The following CLBA1 variants were observed in gnomAD, a reference collection of about 807,000 sequenced individuals.
CLBA1 encodes clathrin binding box of aftiphilin containing 1.
Under a neutral mutation model 28.8 loss-of-function variants are expected in CLBA1, and 30 were observed. The ratio of observed to expected loss-of-function variants is 1.04; its 90% CI spans 0.78 to 1.41. The LOEUF is 1.41. Among genes scored for constraint, CLBA1 ranks in the 40% most tolerant of loss-of-function variants. CLBA1 has a pLI of 0.00. For synonymous variants in CLBA1, 160 were observed against 152.8 expected (o/e 1.05, Z -0.35); for missense variants, 451 against 412.3 (o/e 1.09, Z -0.81).
At chr14:104,997,611 A>G (rs1566934939), downstream of CLBA1, among the ~76,000 whole-genome samples, 1 of 152,218 alleles carries the variant, frequency 6.6e-6, no homozygotes, top group Non-Finnish European at 1.5e-5. Context: ...TAGAGAAGCA[A>G]CGATAGGAAC....
chr14:105,000,375 G>A (rs1900244266), downstream of CLBA1, among the ~76,000 whole-genome samples: 1 of 151,470 alleles, frequency 6.6e-6, no homozygotes, highest in Non-Finnish European at 1.5e-5. Flanking sequence ...GAGTACAAGT[G>A]ATTGTCCTGC....
chr14:105,000,628 C>T (rs754571597), intron 2 of CLBA1, among the ~76,000 whole-genome samples: 4 of 152,080 alleles, frequency 2.6e-5, no homozygotes, highest in Non-Finnish European at 5.9e-5. Flanking sequence ...TACACACACA[C>T]AAATGACCAA....
rs762895450 is a variant in CLBA1 at position 104,986,168 on chromosome 14, CTG to C, written c.-260_-259del. 1.9e-6 allele frequency: 1 copy of C among 539,824 alleles called. No homozygotes were observed. The highest frequency in any genetic ancestry group is 3.3e-6 in the Non-Finnish European group (1 of 298,736). 33.4% of individuals were successfully genotyped at this position (539,824 alleles called of 1,614,324 possible). ...CCTGCCGTGGGTCTGGTACGCGCCT[CTG>C]TGTCGGACTCCGCGCCCGCCTGCGT... On this transcript the variant is annotated 5_prime_UTR_variant, in exon 1 of 5. Coordinates refer to ENST00000547315, the MANE Select transcript of CLBA1 (RefSeq NM_174891.4).
At chr14:104,997,103 C>CT (rs1339831458), downstream of CLBA1, among the ~76,000 whole-genome samples, 1 of 152,168 alleles carries the variant, frequency 6.6e-6, no homozygotes, top group East Asian at 1.9e-4. Context: ...TGAAGGAACT[C>CT]TGGGGAGGTG....
At chr14:104,991,252 C>G (rs1900010514) in intron 2 of CLBA1, 6 of 363,694 alleles carry the variant, frequency 1.6e-5, no homozygotes, top group South Asian at 1.2e-4. Context: ...TCTTGAACTC[C>G]TGACCTCCTG....
chr14:104,986,770 T>C lies in CLBA1; in HGVS notation c.339T>C (p.Thr113=). The change falls in exon 1 of 5, where the codon ACT becomes ACC. Residue 113 remains threonine (T), a synonymous_variant. Coordinates refer to ENST00000547315, the MANE Select transcript of CLBA1 (RefSeq NM_174891.4). ...CAGAACCCCAGCCACCGAGAACCAC[T>C]TCTGCCCCAAAAGAGTGCAGTTCTC... ...GPTEPQPPRT[T]SAPKECSSHQ... 1 of 1,614,008 alleles carries C rather than the reference T, an allele frequency of 6.2e-7. No individual in the cohort carries two copies. Among genetic ancestry groups the C allele is most frequent in the Non-Finnish European group, 8.5e-7 (1 of 1,180,030 alleles).
rs1367775173 is a variant in CLBA1 at position 104,994,686 on chromosome 14, T to C, written c.905T>C (p.Ile302Thr). ...CCCTCATGCGGAGGTGGCCAGCACA[T>C]CACTATTCCAAGGAAAAGGATGTTC... ...KTPSCGGGQH[I>T]TIPRKRMFTP... The change falls in exon 5 of 5, where the codon ATC becomes ACC. Residue 302 changes from isoleucine (I) to threonine (T), a missense_variant. By Grantham distance (89) the Ile-to-Thr change is moderately conservative (BLOSUM62 -1). Coordinates refer to ENST00000547315, the MANE Select transcript of CLBA1 (RefSeq NM_174891.4). 1.2e-6 allele frequency: 2 copies of C among 1,613,980 alleles called. No individual in the cohort carries two copies. Among genetic ancestry groups the C allele is most frequent in the South Asian group, 2.2e-5 (2 of 91,070 alleles).
At chr14:104,995,621 C>A, downstream of CLBA1, 2 of 472,572 alleles carry the variant, frequency 4.2e-6, no homozygotes, top group Non-Finnish European at 5.5e-6. Context: ...TGTCTCTTTT[C>A]CTGCCAAGGC....
downstream of CLBA1, chr14:104,999,288 G>A: frequency 1.0e-6 from 1 of 959,086 alleles, no homozygotes; most frequent in Non-Finnish European, 1.2e-6. Context: ...CTTTCTAGTG[G>A]ACGTGGAGCT....
intron 2 of CLBA1, chr14:104,989,840 T>G (rs1296995698): frequency 1.5e-5 from 6 of 399,238 alleles, no homozygotes; most frequent in Admixed American, 7.7e-5. Context: ...CTGCTGATTT[T>G]TGTGTCTCTG....
Position 104,989,006 on chromosome 14 carries a change from G to A in CLBA1, c.487G>A (p.Ala163Thr), listed in dbSNP as rs771455716. 1.9e-6 allele frequency: 3 copies of A among 1,613,354 alleles called. No individual in the cohort carries two copies. Among genetic ancestry groups the A allele is most frequent in the South Asian group, 1.1e-5 (1 of 91,028 alleles). ...TCAAGAAATAACAGTCCAGCAGGCA[G>A]CTGAAGACGTTTCCACCATAGACCA... ...AFQEITVQQAAEDVSTIDHFL... is the reference protein window; with the variant it reads ...AFQEITVQQATEDVSTIDHFL... The change falls in exon 2 of 5, where the codon GCT (alanine) becomes ACT (threonine). Residue 163 changes from alanine (A) to threonine (T), a missense_variant. Transcript: ENST00000547315.
At position 104,988,237 on chromosome 14, in the gene CLBA1, T is replaced by C. The variant is rs368450658; in HGVS notation, c.424-706T>C. Reference sequence around the variant, plus strand: ...ACCTGGTGTTAGGACTTCACCCGGTTCAGACCACCCTCCTCCTACCCCTTC... The same window carrying C: ...ACCTGGTGTTAGGACTTCACCCGGTCCAGACCACCCTCCTCCTACCCCTTC... On this transcript the variant is annotated intron_variant, in intron 1 of 4. Transcript: ENST00000547315. Among the ~76,000 whole-genome samples, 12 of 152,234 alleles carry C rather than the reference T, an allele frequency of 7.9e-5. No individual in the cohort carries two copies. In the South Asian group the frequency reaches 2.5e-3, roughly 32 times the overall value.
At chr14:104,996,326 A>G (rs1900154783), downstream of CLBA1, among the ~76,000 whole-genome samples, 1 of 152,226 alleles carries the variant, frequency 6.6e-6, no homozygotes, top group South Asian at 2.1e-4. Flanking sequence ...GGCGACGTAC[A>G]TGCAAACCAC....
chr14:104,988,930 C>T lies in CLBA1; in HGVS notation c.424-13C>T. 1 of 1,591,484 alleles carries T rather than the reference C, an allele frequency of 6.3e-7. No individual in the cohort carries two copies. The highest frequency in any genetic ancestry group is 8.5e-7 in the Non-Finnish European group (1 of 1,169,894). On this transcript the variant is annotated splice_polypyrimidine_tract_variant and intron_variant, in intron 1 of 4. Coordinates refer to ENST00000547315, the MANE Select transcript of CLBA1 (RefSeq NM_174891.4). The stretch of plus-strand genomic sequence containing the variant: ...CTCCTAACTTTGGTATGCTTTTCTT[C>T]TTTTCTTTTCAGCCCATTCTCAGCT...
intron 1 of CLBA1, among the ~76,000 whole-genome samples, chr14:104,988,194 T>C (rs1005133638): frequency 7.2e-5 from 11 of 152,144 alleles, no homozygotes; most frequent in Non-Finnish European, 1.6e-4. Context: ...AGTGCCCCAA[T>C]GTAGCACACC....
downstream of CLBA1, among the ~76,000 whole-genome samples, chr14:104,997,668 G>A (rs576746968): frequency 4.6e-5 from 7 of 152,276 alleles, no homozygotes; most frequent in South Asian, 2.1e-4. Flanking sequence ...CCACATCTGC[G>A]GTGCTGAAGG....
chr14:104,991,532 ACAC>A lies in CLBA1; in HGVS notation c.615_617del (p.Thr206del). The A allele has an allele frequency of 6.2e-7, 1 of 1,614,032 alleles. No homozygotes were observed. Among genetic ancestry groups the A allele is most frequent in the South Asian group, 1.1e-5 (1 of 91,078 alleles). ...CTCTGGAGAGCCCTTCAGAGCATAC[ACAC>A]CACGTCTACTTCTCAGCGCCTCTGG... On this transcript the variant is annotated inframe_deletion, in exon 3 of 5. Transcript: ENST00000547315.
chr14:104,994,261 A>C (rs1394078939), intron 4 of CLBA1: 2 of 985,292 alleles, frequency 2.0e-6, no homozygotes, highest in African/African-American at 3.5e-5. Flanking sequence ...AAGAGTGGCT[A>C]CTGGAGGGCT....
intron 2 of CLBA1, chr14:104,989,329 C>T (rs1028824655): frequency 2.0e-6 from 1 of 489,136 alleles, no homozygotes; most frequent in African/African-American, 1.9e-5. Context: ...AGCAGCTGGA[C>T]CCAAGCCCAG....
Sources: allele counts gnomAD v4.1 joint callset (sites outside exome capture counted in the v4.1 genomes callset), GRCh38; gene constraint gnomAD v4.1.1; transcripts MANE v1.5; gene names NCBI Gene and HGNC (gene_info 2026-07-23, HGNC 2026-07-21).